BRIP1: variants seen among roughly 807,000 people sequenced by gnomAD.
BRIP1 encodes Fanconi anemia group J protein.
BRIP1 carries 88 observed loss-of-function variants against 119.7 expected under a neutral mutation model. That is an observed-to-expected ratio of 0.74 (90% CI 0.62 to 0.88). BRIP1 has a LOEUF of 0.88. BRIP1 is among the 40% of genes least tolerant of loss of function. The probability of loss-of-function intolerance (pLI) is 0.00; values close to 1 mark genes in which losing one functional copy is unlikely to be tolerated. For synonymous variants in BRIP1, 443 were observed against 496.5 expected (o/e 0.89, Z 1.43); for missense variants, 1,259 against 1,455.4 (o/e 0.87, Z 2.20).
rs1317914681 is a variant in BRIP1, at chr17:61,748,928, G to A, written c.2098-4337C>T. On this transcript the variant is annotated intron_variant, in intron 14 of 19. Transcript: ENST00000259008. The surrounding 1 kb of genome is among the most constrained non-coding windows in gnomAD (Gnocchi z 4.7). ...CAAGGCGGGCAGATCACGAGGTCAGGAGATTGAGACCATCCTGGCTAACAC... is the reference window on the plus strand; with the variant it reads ...CAAGGCGGGCAGATCACGAGGTCAGAAGATTGAGACCATCCTGGCTAACAC... Among the ~76,000 whole-genome samples the A allele has an allele frequency of 6.6e-6, 1 of 152,192 alleles. No individual in the cohort carries two copies. The highest frequency in any genetic ancestry group is 1.9e-4 in the East Asian group (1 of 5,202).
intron 6 of BRIP1, among the ~76,000 whole-genome samples, chr17:61,830,058 G>A (rs986233237): frequency 2.0e-5 from 3 of 151,450 alleles, no homozygotes; most frequent in Non-Finnish European, 2.9e-5. Context: ...TCAGCCTCCC[G>A]AGTAGCTGGG....
intron 14 of BRIP1, among the ~76,000 whole-genome samples, chr17:61,747,607 G>C (rs2077075037): frequency 6.6e-6 from 1 of 152,072 alleles, no homozygotes; most frequent in Admixed American, 6.5e-5. Flanking sequence ...GACTAGTAAG[G>C]AGACTGAATC....
rs1218625690 is a variant in BRIP1, at chr17:61,761,133, A to T, written c.2097+15268T>A. On this transcript the variant is annotated intron_variant, in intron 14 of 19. Transcript: ENST00000259008. This position sits in a 1 kb window ranked among gnomAD's most constrained non-coding sequence, Gnocchi z 6.4. ...ATCAATAAATGTATACAGCACATTA[A>T]TAGAATGAAGGACAAAAACCATATG... Among the ~76,000 whole-genome samples, 1 of 152,148 alleles carries T rather than the reference A, an allele frequency of 6.6e-6. No individual in the cohort carries two copies. Among genetic ancestry groups the T allele is most frequent in the Non-Finnish European group, 1.5e-5 (1 of 67,974 alleles).
Position 61,684,741 on chromosome 17 carries a change from A to G in BRIP1, c.2906-601T>C, listed in dbSNP as rs774993501. Reference sequence around the variant, plus strand: ...GTAGTACTTATATACTACAAAATACATGTTTAAAAATTGATGTTTTTCTTT... The same window carrying G: ...GTAGTACTTATATACTACAAAATACGTGTTTAAAAATTGATGTTTTTCTTT... On this transcript the variant is annotated intron_variant, in intron 19 of 19. Transcript: ENST00000259008. This position sits in a 1 kb window ranked among gnomAD's most constrained non-coding sequence, Gnocchi z 4.5. 4 of 152,018 alleles carry G rather than the reference A, an allele frequency of 2.6e-5. No individual in the cohort carries two copies. The highest frequency in any genetic ancestry group is 5.9e-5 in the Non-Finnish European group (4 of 67,990). 9.4% of individuals were successfully genotyped at this position (152,018 alleles called of 1,614,324 possible).
In BRIP1 at chr17:61,796,225, G is replaced by A. The variant is rs1440887821; in HGVS notation, c.1341-2496C>T. Among the ~76,000 whole-genome samples, 1 of 152,076 alleles carries A rather than the reference G, an allele frequency of 6.6e-6. No individual in the cohort carries two copies. The highest frequency in any genetic ancestry group is 2.4e-5 in the African/African-American group (1 of 41,426). On this transcript the variant is annotated intron_variant, in intron 9 of 19. Coordinates refer to ENST00000259008, the MANE Select transcript of BRIP1 (RefSeq NM_032043.3). The surrounding 1 kb of genome is among the most constrained non-coding windows in gnomAD (Gnocchi z 4.8). The stretch of plus-strand genomic sequence containing the variant: ...GGGTTGCCTCTTCACTTTGTTGATT[G>A]TTTCCTTTGCTGTGCAGCAGCTTTT...
intron 6 of BRIP1, among the ~76,000 whole-genome samples, chr17:61,836,611 C>T (rs1045338240): frequency 2.0e-5 from 3 of 151,864 alleles, no homozygotes; most frequent in African/African-American, 7.3e-5. Context: ...AGGCTCTGTG[C>T]CAGATGCTGG....
In BRIP1 at chr17:61,706,608, C is replaced by G. The variant is rs2061693133; in HGVS notation, c.2492+9343G>C. Among the ~76,000 whole-genome samples the G allele has an allele frequency of 6.6e-6, 1 of 152,084 alleles. No individual in the cohort carries two copies. Among genetic ancestry groups the G allele is most frequent in the Admixed American group, 6.6e-5 (1 of 15,264 alleles). On this transcript the variant is annotated intron_variant, in intron 17 of 19. Coordinates refer to ENST00000259008, the MANE Select transcript of BRIP1 (RefSeq NM_032043.3). This position sits in a 1 kb window ranked among gnomAD's most constrained non-coding sequence, Gnocchi z 5.7. ...AGGAACATTGATCCTACTACTACTT[C>G]TTGGTTTTTGAACTTTAGAACTTAC...
Position 61,760,933 on chromosome 17 carries a change from C to G in BRIP1, c.2097+15468G>C, listed in dbSNP as rs989601428. 1.3e-5 allele frequency among the ~76,000 whole-genome samples: 2 copies of G among 151,876 alleles called. No homozygotes were observed. The highest frequency in any genetic ancestry group is 4.8e-5 in the African/African-American group (2 of 41,430). On this transcript the variant is annotated intron_variant, in intron 14 of 19. Transcript: ENST00000259008. This position sits in a 1 kb window ranked among gnomAD's most constrained non-coding sequence, Gnocchi z 4.6. ...CAGCATTATCACCCTGATACCAAGG[C>G]CAGATAAGGACAATACAAGAAAAGA...
At chr17:61,750,708 TAAA>T (rs71150637) in intron 14 of BRIP1, among the ~76,000 whole-genome samples, 109,104 of 146,282 alleles carry the variant, frequency 0.75, 40,755 homozygotes, top group East Asian at 0.81. Flanking sequence ...CTTGAATGAT[TAAA>T]AAAAAAAAAA....
rs1264145568 is a variant in BRIP1 at position 61,714,855 on chromosome 17, G to A, written c.2492+1096C>T. Among the ~76,000 whole-genome samples, 4 of 141,044 alleles carry A rather than the reference G, an allele frequency of 2.8e-5. No homozygotes were observed. The Admixed American group carries it at 2.9e-4, about 10-fold the overall frequency. 92.5% of individuals were successfully genotyped at this position (141,044 alleles called of 152,430 possible). A position where few individuals can be genotyped will look rare whatever the true frequency, so the allele number is the denominator to read the frequency against. Reference sequence around the variant, plus strand: ...CTGGCTCTGTTGCCCAGGCTGGAATGCAGTGGCATGATTTTGGCTCACTGC... The same window carrying A: ...CTGGCTCTGTTGCCCAGGCTGGAATACAGTGGCATGATTTTGGCTCACTGC... On this transcript the variant is annotated intron_variant, in intron 17 of 19. Coordinates refer to ENST00000259008, the MANE Select transcript of BRIP1 (RefSeq NM_032043.3).
rs944398930 is a variant in BRIP1 at position 61,778,581 on chromosome 17, C to A, written c.1935+1680G>T. 6.6e-6 allele frequency among the ~76,000 whole-genome samples: 1 copy of A among 152,058 alleles called. No homozygotes were observed. The highest frequency in any genetic ancestry group is 2.4e-5 in the African/African-American group (1 of 41,384). On this transcript the variant is annotated intron_variant, in intron 13 of 19. Coordinates refer to ENST00000259008, the MANE Select transcript of BRIP1 (RefSeq NM_032043.3). This position sits in a 1 kb window ranked among gnomAD's most constrained non-coding sequence, Gnocchi z 4.4. The stretch of plus-strand genomic sequence containing the variant: ...GCACAACTACATTATTATAATTCAG[C>A]GACATTATAGGTTAAATGGACTTTT...
chr17:61,691,251 T>A lies in BRIP1; in HGVS notation c.2575+2179A>T, dbSNP rs1603279388. 6.7e-6 allele frequency among the ~76,000 whole-genome samples: 1 copy of A among 149,986 alleles called. No homozygotes were observed. Among genetic ancestry groups the A allele is most frequent in the African/African-American group, 2.5e-5 (1 of 40,780 alleles). Reference sequence around the variant, plus strand: ...AAAGTATAATAATAAAAATAAAAATTAAAATAAAAAAACTCAAACCAGGGA... The same window carrying A: ...AAAGTATAATAATAAAAATAAAAATAAAAATAAAAAAACTCAAACCAGGGA... On this transcript the variant is annotated intron_variant, in intron 18 of 19. Coordinates refer to ENST00000259008, the MANE Select transcript of BRIP1 (RefSeq NM_032043.3). The surrounding 1 kb of genome is among the most constrained non-coding windows in gnomAD (Gnocchi z 5.0).
intron 14 of BRIP1, among the ~76,000 whole-genome samples, chr17:61,765,582 T>C (rs973568048): frequency 4.0e-5 from 6 of 149,064 alleles, no homozygotes; most frequent in Non-Finnish European, 8.9e-5. Flanking sequence ...ATTACAGGCA[T>C]GTGCCACCAT....
intron 17 of BRIP1, among the ~76,000 whole-genome samples, chr17:61,711,889 A>AATG (rs1276692489): frequency 6.6e-6 from 1 of 151,866 alleles, no homozygotes; most frequent in Non-Finnish European, 1.5e-5. Flanking sequence ...TAATAATAAT[A>AATG]AAAACAAAAA....
rs555703245 is a variant in BRIP1 at position 61,736,565 on chromosome 17, C to A, written c.2379+6448G>T. 5.9e-5 allele frequency among the ~76,000 whole-genome samples: 9 copies of A among 152,256 alleles called. No individual in the cohort carries two copies. The highest frequency in any genetic ancestry group is 1.5e-5 in the Non-Finnish European group (1 of 68,002). On this transcript the variant is annotated intron_variant, in intron 16 of 19. Coordinates refer to ENST00000259008, the MANE Select transcript of BRIP1 (RefSeq NM_032043.3). This position sits in a 1 kb window ranked among gnomAD's most constrained non-coding sequence, Gnocchi z 4.4. Reference sequence around the variant, plus strand: ...TTACTACCATCCTGTTCATTATTATCTAATGATTACTATCATTTCCATCCT... The same window carrying A: ...TTACTACCATCCTGTTCATTATTATATAATGATTACTATCATTTCCATCCT...
intron 10 of BRIP1, among the ~76,000 whole-genome samples, chr17:61,785,687 T>C (rs1169602573): frequency 6.6e-6 from 1 of 152,014 alleles, no homozygotes; most frequent in Non-Finnish European, 1.5e-5. Flanking sequence ...AATACAAATA[T>C]CAAATTATTC....
At chr17:61,764,409 A>G (rs936612159) in intron 14 of BRIP1, among the ~76,000 whole-genome samples, 3 of 152,192 alleles carry the variant, frequency 2.0e-5, no homozygotes, top group South Asian at 2.1e-4. Context: ...TTACTAAACT[A>G]TATGATTCAA....
In BRIP1 at chr17:61,808,724, T is replaced by C. The variant is rs777618772; in HGVS notation, c.661A>G (p.Thr221Ala). 23 of 1,613,514 alleles carry C rather than the reference T, an allele frequency of 1.4e-5. No individual in the cohort carries two copies. Among genetic ancestry groups the C allele is most frequent in the African/African-American group, 2.7e-5 (2 of 74,882 alleles). ...GACTCTTGACTGTTTCCTTGTTTAG[T>C]AGAACAACAGCACCTAGAACAGTGG... Reference protein sequence around the residue: ...PGHCSRCCCSTKQGNSQESSN... With the variant: ...PGHCSRCCCSAKQGNSQESSN... Residue 221 changes from threonine to alanine, a missense_variant, in exon 7 of 20, where the codon ACT (threonine) becomes GCT (alanine). Thr to Ala is a moderately conservative substitution (Grantham distance 58). Coordinates refer to ENST00000259008, the MANE Select transcript of BRIP1 (RefSeq NM_032043.3). This position sits in a 1 kb window ranked among gnomAD's most constrained non-coding sequence, Gnocchi z 4.1.
chr17:61,696,478 G>A (rs1209524015), intron 17 of BRIP1, among the ~76,000 whole-genome samples: 3 of 151,436 alleles, frequency 2.0e-5, no homozygotes, highest in Non-Finnish European at 2.9e-5. Context: ...AGAATGAGTT[G>A]GTAAATATTT....
Sources: allele counts gnomAD v4.1 joint callset (sites outside exome capture counted in the v4.1 genomes callset), GRCh38; gene constraint gnomAD v4.1.1; non-coding constraint Gnocchi (gnomAD v3.1); transcripts MANE v1.5; gene names NCBI Gene and HGNC (gene_info 2026-07-23, HGNC 2026-07-21).